The following PDE3A variants were observed in gnomAD, a reference collection of about 807,000 sequenced individuals.
PDE3A encodes the protein cGMP-inhibited 3',5'-cyclic phosphodiesterase 3A.
PDE3A carries 43 observed loss-of-function variants against 98.3 expected under a neutral mutation model. That is an observed-to-expected ratio of 0.44 (90% confidence interval 0.34 to 0.56). PDE3A has a LOEUF of 0.56. PDE3A is among the 20% of genes least tolerant of loss of function. PDE3A has a pLI of 0.01. For synonymous variants in PDE3A, 663 were observed against 567.9 expected (o/e 1.17, Z -2.38); for missense variants, 1,427 against 1,440.7 (o/e 0.99, Z 0.15).
At chr12:20,527,204 G>GT (rs1283777350) in intron 1 of PDE3A, among the ~76,000 whole-genome samples, 1 of 151,916 alleles carries the variant, frequency 6.6e-6, no homozygotes. Context: ...GCCCGGCCGT[G>GT]TTTTTTTGTT....
chr12:20,677,311 T>C (rs1420474772), intron 15 of PDE3A, among the ~76,000 whole-genome samples: 1 of 152,168 alleles, frequency 6.6e-6, no homozygotes, highest in Non-Finnish European at 1.5e-5. Flanking sequence ...TTATCTGGGA[T>C]TTCAAAAAAT....
intron 1 of PDE3A, among the ~76,000 whole-genome samples, chr12:20,379,948 G>C (rs1294330527): frequency 6.6e-6 from 1 of 151,668 alleles, no homozygotes; most frequent in Non-Finnish European, 1.5e-5. Flanking sequence ...GATCATTGTA[G>C]TGTAAACCTT....
At chr12:20,461,646 T>G (rs1194685431) in intron 1 of PDE3A, among the ~76,000 whole-genome samples, 1 of 152,172 alleles carries the variant, frequency 6.6e-6, no homozygotes, top group Non-Finnish European at 1.5e-5. Context: ...TAATGTATAT[T>G]AAGCTTTGGG....
At chr12:20,632,364 T>A (rs1046898555) in intron 6 of PDE3A, among the ~76,000 whole-genome samples, 2 of 152,154 alleles carry the variant, frequency 1.3e-5, no homozygotes, top group African/African-American at 2.4e-5. Context: ...GGAAAAAAAA[T>A]GATGAGTTAT....
At chr12:20,631,027 C>G (rs1348283870) in intron 6 of PDE3A, among the ~76,000 whole-genome samples, 1 of 151,966 alleles carries the variant, frequency 6.6e-6, no homozygotes, top group Non-Finnish European at 1.5e-5. Flanking sequence ...TTATATTAAG[C>G]CTCATAATTT....
chr12:20,684,281 A>T lies in PDE3A; in HGVS notation c.*4010A>T, dbSNP rs945624227. ...TAAAATAATAATGGAAACCTCAATA[A>T]GGGTCTTGTCCTCTTCTGTCATCCT... On this transcript the variant is annotated 3_prime_UTR_variant, in exon 16 of 16. Transcript: ENST00000359062. 3.9e-5 allele frequency: 6 copies of T among 152,124 alleles called. No individual in the cohort carries two copies. Among genetic ancestry groups the T allele is most frequent in the Non-Finnish European group, 7.4e-5 (5 of 68,000 alleles). The allele number at this position is 152,124 out of a possible 1,614,324, so 9.4% of individuals were successfully genotyped here. A position where few individuals can be genotyped will look rare whatever the true frequency, so the allele number is the denominator to read the frequency against.
chr12:20,538,088 T>TAA (rs1048404471), intron 1 of PDE3A, among the ~76,000 whole-genome samples: 6 of 152,194 alleles, frequency 3.9e-5, no homozygotes, highest in African/African-American at 1.4e-4. Context: ...CAAAGTCAGC[T>TAA]AAAGTGTGTA....
In PDE3A at chr12:20,650,405, T is replaced by TA. The variant is rs754149091; in HGVS notation, c.2770-39dup. 4.1e-6 allele frequency: 6 copies of TA among 1,448,534 alleles called. No individual in the cohort carries two copies. In the Admixed American group the frequency reaches 1.2e-4, roughly 28 times the overall value. The allele number at this position is 1,448,534 out of a possible 1,614,324, so 89.7% of individuals were successfully genotyped here. A position where few individuals can be genotyped will look rare whatever the true frequency, so the allele number is the denominator to read the frequency against. ...TTCTCTTCTATTCAACTTTTGTTTT[T>TA]ATCAAAGCAAAACATATATTAACTT... On this transcript the variant is annotated intron_variant, in intron 13 of 15. Transcript: ENST00000359062.
intron 1 of PDE3A, among the ~76,000 whole-genome samples, chr12:20,494,515 G>A (rs1358684806): frequency 5.3e-5 from 8 of 151,856 alleles, no homozygotes; most frequent in Non-Finnish European, 8.8e-5. Context: ...AATGTATCTC[G>A]TGAGTGTTAT....
chr12:20,542,135 T>C (rs1941930064), intron 1 of PDE3A, among the ~76,000 whole-genome samples: 1 of 152,098 alleles, frequency 6.6e-6, no homozygotes, highest in Non-Finnish European at 1.5e-5. Context: ...TGGAATTTTG[T>C]CTTTTGCTGA....
intron 2 of PDE3A, among the ~76,000 whole-genome samples, chr12:20,565,077 C>A (rs1172003465): frequency 6.6e-6 from 1 of 152,136 alleles, no homozygotes. Context: ...GCCACAGTTT[C>A]TGACCACTGT....
At chr12:20,509,990 A>G (rs899610722) in intron 1 of PDE3A, among the ~76,000 whole-genome samples, 2 of 151,982 alleles carry the variant, frequency 1.3e-5, no homozygotes, top group African/African-American at 4.8e-5. Context: ...TTTAAATATT[A>G]ATGATATTTA....
chr12:20,554,874 T>G (rs947163607), intron 1 of PDE3A, among the ~76,000 whole-genome samples: 1 of 152,256 alleles, frequency 6.6e-6, no homozygotes, highest in Non-Finnish European at 1.5e-5. Context: ...TTCTTGCTTA[T>G]ATTTTGTTAG....
chr12:20,685,758 C>G lies in PDE3A; in HGVS notation c.*5487C>G, dbSNP rs192289634. On this transcript the variant is annotated 3_prime_UTR_variant, in exon 16 of 16. Coordinates refer to ENST00000359062, the MANE Select transcript of PDE3A (RefSeq NM_000921.5). ...AAAGTTGTGGAGCACAGAAGAAAAG[C>G]CTTCTCTTTACAGATAAAAAATGTT... Among the ~76,000 whole-genome samples the G allele has an allele frequency of 6.6e-5, 10 of 152,226 alleles. No individual in the cohort carries two copies. The highest frequency in any genetic ancestry group is 6.5e-5 in the Admixed American group (1 of 15,282).
rs559227283 is a variant in PDE3A at position 20,676,530 on chromosome 12, C to T, written c.3185-3500C>T. Among the ~76,000 whole-genome samples the T allele has an allele frequency of 3.1e-3, 402 of 128,752 alleles. 2 individuals carry two copies. The highest frequency in any genetic ancestry group is 5.6e-3 in the African/African-American group (192 of 34,532). 84.5% of individuals were successfully genotyped at this position (128,752 alleles called of 152,430 possible). On this transcript the variant is annotated intron_variant, in intron 15 of 15. Transcript: ENST00000359062. ...TTTTTTTTTTTTTGAGATGGAGTCT[C>T]GCTCTGTCCCCCATGCTGGAGTGCA...
intron 1 of PDE3A, among the ~76,000 whole-genome samples, chr12:20,521,702 T>C (rs897838815): frequency 6.6e-6 from 1 of 152,184 alleles, no homozygotes; most frequent in African/African-American, 2.4e-5. Context: ...GAGCGTCTGT[T>C]GTGCCGAACC....
intron 1 of PDE3A, among the ~76,000 whole-genome samples, chr12:20,468,515 A>G (rs1945382346): frequency 6.6e-6 from 1 of 152,200 alleles, no homozygotes; most frequent in Non-Finnish European, 1.5e-5. Flanking sequence ...CTTGCTAATC[A>G]TGGTTATATA....
chr12:20,389,169 C>T (rs1943868416), intron 1 of PDE3A, among the ~76,000 whole-genome samples: 1 of 151,894 alleles, frequency 6.6e-6, no homozygotes. Flanking sequence ...GCTGATTATG[C>T]TTGCGATGGT....
In PDE3A at chr12:20,458,987, T is replaced by C. The variant is rs140062294; in HGVS notation, c.960+88743T>C. On this transcript the variant is annotated intron_variant, in intron 1 of 15. Coordinates refer to ENST00000359062, the MANE Select transcript of PDE3A (RefSeq NM_000921.5). ...AAAAGAATATGTAAGGGTATAAAAA[T>C]ATGTAAATAAAAGTGCCTAGATGCA... 5.2e-4 allele frequency among the ~76,000 whole-genome samples: 79 copies of C among 152,250 alleles called. 2 individuals are homozygous for C. The highest frequency in any genetic ancestry group is 3.4e-3 in the Middle Eastern group (1 of 294).
Sources: allele counts gnomAD v4.1 joint callset (sites outside exome capture counted in the v4.1 genomes callset), GRCh38; gene constraint gnomAD v4.1.1; transcripts MANE v1.5; gene names NCBI Gene and HGNC (gene_info 2026-07-23, HGNC 2026-07-21).